DMD: variants seen among roughly 807,000 people sequenced by gnomAD.
DMD encodes dystrophin.
DMD carries 63 observed loss-of-function variants against 330.1 expected under a neutral mutation model. That is an observed-to-expected ratio of 0.19 (90% CI 0.16 to 0.24). The LOEUF (loss-of-function observed/expected upper bound fraction) is 0.24. DMD is among the 10% of genes least tolerant of loss of function. The pLI is 1.00. For missense variants in DMD, 3,344 were observed against 2,684.1 expected, an observed-to-expected ratio of 1.25 and a Z score of -5.43; for synonymous variants, 1,223 against 959.8, an observed-to-expected ratio of 1.27 and a Z score of -5.07.
At chrX:32,352,704 T>C (rs2097785915) in intron 37 of DMD, among the ~76,000 whole-genome samples, 1 of 110,945 alleles carries the variant, frequency 9.0e-6, no homozygotes, top group Non-Finnish European at 1.9e-5. Flanking sequence ...ATTTAGATTA[T>C]TCTTACGTCG....
intron 30 of DMD, among the ~76,000 whole-genome samples, chrX:32,398,223 A>C (rs751431885): frequency 1.8e-5 from 2 of 109,551 alleles, no homozygotes; most frequent in East Asian, 5.7e-4. Context: ...CAAGTAAAAA[A>C]AGAAGAAATT....
chrX:32,949,539 C>T (rs185877144), intron 2 of DMD, among the ~76,000 whole-genome samples: 121 of 111,002 alleles, frequency 1.1e-3, no homozygotes, highest in African/African-American at 3.9e-3. Flanking sequence ...TAAATATGAA[C>T]GATGGTGCTC....
chrX:31,758,983 T>A (rs1163678734), intron 51 of DMD, among the ~76,000 whole-genome samples: 1 of 111,817 alleles, frequency 8.9e-6, no homozygotes, highest in Non-Finnish European at 1.9e-5. Flanking sequence ...AACGAAAATA[T>A]GACATAGAGT....
intron 61 of DMD, among the ~76,000 whole-genome samples, chrX:31,342,905 C>A (rs1180266455): frequency 2.7e-5 from 3 of 111,617 alleles, no homozygotes; most frequent in African/African-American, 9.8e-5. Flanking sequence ...GCCTCCTAAG[C>A]AGCTGGGATT....
intron 47 of DMD, among the ~76,000 whole-genome samples, chrX:31,917,396 A>G (rs1384930641): frequency 8.9e-6 from 1 of 112,220 alleles, no homozygotes; most frequent in Non-Finnish European, 1.9e-5. Flanking sequence ...GACCCCAAGC[A>G]CTTCTAATAT....
chrX:31,790,192 A>G (rs765237407), intron 50 of DMD, among the ~76,000 whole-genome samples: 1 of 111,999 alleles, frequency 8.9e-6, no homozygotes, highest in East Asian at 2.8e-4. Flanking sequence ...TAGAAAGACC[A>G]ATTTCCAAAG....
intron 61 of DMD, among the ~76,000 whole-genome samples, chrX:31,338,309 C>CAAAAAAAAAAAAAAAAAA (rs752828727): frequency 1.9e-5 from 1 of 53,394 alleles, no homozygotes. Context: ...AGTAAAAATA[C>CAAAAAAAAAAAAAAAAAA]AAAAAAAAAA....
At chrX:31,896,400 CTG>C (rs1371231699) in intron 47 of DMD, among the ~76,000 whole-genome samples, 1 of 111,616 alleles carries the variant, frequency 9.0e-6, no homozygotes, top group Non-Finnish European at 1.9e-5. Context: ...ATTTCAGACA[CTG>C]TATATTCTAG....
rs144719700 is a variant in DMD, at chrX:32,906,094, A to G, written c.94-56274T>C. Among the ~76,000 whole-genome samples the G allele has an allele frequency of 3.6e-3, 407 of 112,163 alleles. 1 individual carries two copies. The highest frequency in any genetic ancestry group is 0.012 in the African/African-American group (378 of 30,931). The stretch of plus-strand genomic sequence containing the variant: ...ATGGTTTAAATTCATGTCCCCACGA[A>G]ATCTCATGTTGAATTGTAATCCCTA... On this transcript the variant is annotated intron_variant, in intron 2 of 78. Transcript: ENST00000357033.
At chrX:32,728,693 G>C (rs2067177849) in intron 7 of DMD, among the ~76,000 whole-genome samples, 1 of 112,167 alleles carries the variant, frequency 8.9e-6, no homozygotes, top group Admixed American at 9.5e-5. Flanking sequence ...ATATCTTTGG[G>C]AATATAATGC....
chrX:32,578,976 A>T (rs1030485838), intron 13 of DMD, among the ~76,000 whole-genome samples: 2 of 111,774 alleles, frequency 1.8e-5, no homozygotes, highest in Non-Finnish European at 3.8e-5. Flanking sequence ...TTACTTTATC[A>T]ACAACTATGC....
chrX:32,434,644 C>G (rs760293695), intron 29 of DMD, among the ~76,000 whole-genome samples: 92 of 111,621 alleles, frequency 8.2e-4, no homozygotes, highest in Non-Finnish European at 8.3e-4. Context: ...TGCATCGAAA[C>G]AACAGTCTTT....
At chrX:33,212,125 G>A (rs2051943003), upstream of DMD, among the ~76,000 whole-genome samples, 1 of 112,377 alleles carries the variant, frequency 8.9e-6, no homozygotes, top group African/African-American at 3.2e-5. Flanking sequence ...TAGGTCTCAT[G>A]GGACATGTTT....
At chrX:32,509,651 T>G (rs905638743) in intron 18 of DMD, among the ~76,000 whole-genome samples, 2 of 112,009 alleles carry the variant, frequency 1.8e-5, no homozygotes, top group Admixed American at 9.5e-5. Context: ...CAGTTCTCAC[T>G]TTACCTATCA....
rs73209860 is a variant in DMD, at chrX:32,630,669, C to T, written c.1331+13463G>A. 4.3e-3 allele frequency among the ~76,000 whole-genome samples: 474 copies of T among 111,181 alleles called. 4 individuals carry two copies. The highest frequency in any genetic ancestry group is 0.013 in the African/African-American group (403 of 30,631). ...ATCTTTCAACTCCAGAATTTTTGTT[C>T]GATTCTTTTTATTTCAATCCCTTTG... On this transcript the variant is annotated intron_variant, in intron 11 of 78. Transcript: ENST00000357033.
At chrX:33,254,156 T>A (rs1033645981) in intron 1 of DMD, among the ~76,000 whole-genome samples, 2 of 111,158 alleles carry the variant, frequency 1.8e-5, no homozygotes, top group Non-Finnish European at 3.8e-5. Context: ...TAAACCTATA[T>A]TTTAACAGTA....
intron 1 of DMD, among the ~76,000 whole-genome samples, chrX:33,042,173 T>C (rs982559152): frequency 8.9e-6 from 1 of 112,020 alleles, no homozygotes; most frequent in East Asian, 2.8e-4. Flanking sequence ...ACCTCTGCTA[T>C]ATGACTAAAC....
At chrX:32,387,161 C>T (rs538809061) in intron 32 of DMD, among the ~76,000 whole-genome samples, 1 of 110,673 alleles carries the variant, frequency 9.0e-6, no homozygotes, top group East Asian at 2.8e-4. Flanking sequence ...CACACACATA[C>T]GGTTTCACAA....
At chrX:32,076,675 G>A (rs2096354715) in intron 44 of DMD, among the ~76,000 whole-genome samples, 2 of 111,525 alleles carry the variant, frequency 1.8e-5, no homozygotes, top group South Asian at 3.8e-4. Context: ...CACCCTGCCC[G>A]GCCCATAAGA....
Sources: allele counts gnomAD v4.1 joint callset (sites outside exome capture counted in the v4.1 genomes callset), GRCh38; gene constraint gnomAD v4.1.1; transcripts MANE v1.5; gene names NCBI Gene and HGNC (gene_info 2026-07-23, HGNC 2026-07-21).